The following OR4S2 variants were observed in gnomAD, a reference collection of about 807,000 sequenced individuals.
OR4S2 encodes olfactory receptor 4S2.
In OR4S2, 16 loss-of-function variants were observed where a neutral mutation model predicts 15.1. That is an observed-to-expected ratio of 1.06 (90% CI 0.72 to 1.61). The LOEUF (loss-of-function observed/expected upper bound fraction) is 1.61. Ranked by LOEUF, OR4S2 falls within the 40% of genes most tolerant of loss-of-function variation. The pLI, the probability that OR4S2 is intolerant of heterozygous loss-of-function variation, is 0.00. For missense variants in OR4S2, 362 were observed against 379.6 expected, an observed-to-expected ratio of 0.95 and a Z score of 0.38; for synonymous variants, 133 against 136.3, an observed-to-expected ratio of 0.98 and a Z score of 0.17.
Position 55,651,473 on chromosome 11 carries a change from A to G in OR4S2, c.570A>G (p.Thr190=), listed in dbSNP as rs146506401. 1 of 1,486,538 alleles carries G rather than the reference A, an allele frequency of 6.7e-7. No individual in the cohort carries two copies. Among genetic ancestry groups the G allele is most frequent in the Non-Finnish European group, 9.2e-7 (1 of 1,091,484 alleles). The allele number at this position is 1,486,538 out of a possible 1,614,324, so 92.1% of individuals were successfully genotyped here. A position where few individuals can be genotyped will look rare whatever the true frequency, so the allele number is the denominator to read the frequency against. Reference sequence around the variant, plus strand: ...TGTTGAAACTTGCCTGCACAGAAACATACATTGTTGGTGTTGTTGTGACAG... The same window carrying G: ...TGTTGAAACTTGCCTGCACAGAAACGTACATTGTTGGTGTTGTTGTGACAG... ...HPVLKLACTE[T]YIVGVVVTAN... The change falls in exon 2 of 2, where the codon ACA becomes ACG. Residue 190 remains threonine (T), a synonymous_variant. Coordinates refer to ENST00000641692, the MANE Select transcript of OR4S2 (RefSeq NM_001004059.3).
rs1858551108 is a variant in OR4S2, at chr11:55,650,660, C to A, written c.-36-208C>A. Among the ~76,000 whole-genome samples, 2 of 138,092 alleles carry A rather than the reference C, an allele frequency of 1.4e-5. 1 individual carries two copies. The highest frequency in any genetic ancestry group is 3.2e-5 in the Non-Finnish European group (2 of 62,072). The allele number at this position is 138,092 out of a possible 152,430, so 90.6% of individuals were successfully genotyped here. ...ATATATATGAGATTGAGGGGATTTACTTTATCTCTCTGGATTTTGCTTTCT... is the reference window on the plus strand; with the variant it reads ...ATATATATGAGATTGAGGGGATTTAATTTATCTCTCTGGATTTTGCTTTCT... On this transcript the variant is annotated intron_variant, in intron 1 of 1. Coordinates refer to ENST00000641692, the MANE Select transcript of OR4S2 (RefSeq NM_001004059.3).
chr11:55,650,070 T>C (rs1312070052), intron 1 of OR4S2, among the ~76,000 whole-genome samples: 1 of 139,174 alleles, frequency 7.2e-6, no homozygotes, highest in Non-Finnish European at 1.6e-5. Flanking sequence ...CTGACAGAAG[T>C]GATTTAAGTT....
chr11:55,652,011 T>C lies in OR4S2; in HGVS notation c.*172T>C. Reference sequence around the variant, plus strand: ...CATTATTATAGCATTTTTATACTATTTCATAATTAGATAACTTCCTGAAAT... The same window carrying C: ...CATTATTATAGCATTTTTATACTATCTCATAATTAGATAACTTCCTGAAAT... On this transcript the variant is annotated 3_prime_UTR_variant, in exon 2 of 2. Coordinates refer to ENST00000641692, the MANE Select transcript of OR4S2 (RefSeq NM_001004059.3). The C allele has an allele frequency of 2.8e-6, 1 of 360,288 alleles. No homozygotes were observed. The allele number at this position is 360,288 out of a possible 1,614,324, so 22.3% of individuals were successfully genotyped here.
rs1858552423 is a variant in OR4S2, at chr11:55,650,775, C to A, written c.-36-93C>A. ...TTCTTCAAGTATGCATGCCAATCAG[C>A]ATTTTTTCCTCTTTTGATCTACTGT... On this transcript the variant is annotated intron_variant, in intron 1 of 1. Coordinates refer to ENST00000641692, the MANE Select transcript of OR4S2 (RefSeq NM_001004059.3). 5.0e-5 allele frequency: 27 copies of A among 535,864 alleles called. 5 individuals carry two copies. Among genetic ancestry groups the A allele is most frequent in the Non-Finnish European group, 8.5e-5 (26 of 307,136 alleles). 33.2% of individuals were successfully genotyped at this position (535,864 alleles called of 1,614,324 possible).
chr11:55,650,506 GT>G (rs1858549238), intron 1 of OR4S2, among the ~76,000 whole-genome samples: 1 of 138,826 alleles, frequency 7.2e-6, no homozygotes, highest in Admixed American at 7.8e-5. Flanking sequence ...TAACATAGAT[GT>G]TACCATATCC....
rs753301201 is a variant in OR4S2, at chr11:55,651,639, G to A, written c.736G>A (p.Val246Ile). ...CTGTGGCTCCCACATTGCCATGGTC[G>A]TTATCTTTTTCGGCCCCTGTACTTT... ...STCGSHIAMV[V>I]IFFGPCTFMY... Residue 246 changes from valine to isoleucine, a missense_variant, in exon 2 of 2, where the codon GTT (valine) becomes ATT (isoleucine). Val to Ile is a conservative substitution (Grantham distance 29). Transcript: ENST00000641692. 39 of 1,491,830 alleles carry A rather than the reference G, an allele frequency of 2.6e-5. 9 individuals are homozygous for A. The Admixed American group carries it at 3.2e-4, about 12-fold the overall frequency. The allele number at this position is 1,491,830 out of a possible 1,614,324, so 92.4% of individuals were successfully genotyped here. A position where few individuals can be genotyped will look rare whatever the true frequency, so the allele number is the denominator to read the frequency against.
rs150655948 is a variant in OR4S2 at position 55,651,169 on chromosome 11, C to A, written c.266C>A (p.Thr89Asn). ...GTTGACCTGTTAGCAAAGGACAAAA[C>A]CATCTCCTATGTGGGGTGCATGTTG... ...MIVDLLAKDKTISYVGCMLQL... is the reference protein window; with the variant it reads ...MIVDLLAKDKNISYVGCMLQL... Residue 89 changes from threonine to asparagine, a missense_variant, in exon 2 of 2, where the codon ACC becomes AAC. Thr to Asn is a moderately conservative substitution (Grantham distance 65). Transcript: ENST00000641692. The A allele has an allele frequency of 8.8e-6, 13 of 1,484,636 alleles. 2 individuals carry two copies. The highest frequency in any genetic ancestry group is 8.3e-6 in the Non-Finnish European group (9 of 1,089,908). The allele number at this position is 1,484,636 out of a possible 1,614,324, so 92.0% of individuals were successfully genotyped here.
In OR4S2 at chr11:55,650,879, G is replaced by A. The variant is rs1858554716; in HGVS notation, c.-25G>A. 2 of 1,019,970 alleles carry A rather than the reference G, an allele frequency of 2.0e-6. No homozygotes were observed. The highest frequency in any genetic ancestry group is 3.1e-5 in the African/African-American group (2 of 63,626). 63.2% of individuals were successfully genotyped at this position (1,019,970 alleles called of 1,614,324 possible). A position where few individuals can be genotyped will look rare whatever the true frequency, so the allele number is the denominator to read the frequency against. On this transcript the variant is annotated 5_prime_UTR_variant, in exon 2 of 2. Coordinates refer to ENST00000641692, the MANE Select transcript of OR4S2 (RefSeq NM_001004059.3). ...TTTCTTTTTTTCAGGTAATTTAATT[G>A]TCTCCTAAGAACTTGACCCATTCCA...
Position 55,651,891 on chromosome 11 carries a change from A to G in OR4S2, c.*52A>G. On this transcript the variant is annotated 3_prime_UTR_variant, in exon 2 of 2. Transcript: ENST00000641692. ...ACCTTAAAATTTCTCAGCCTTGGTT[A>G]ACTCATCTGTGCAATCAAGACAATA... 1 of 896,274 alleles carries G rather than the reference A, an allele frequency of 1.1e-6. No individual in the cohort carries two copies. The highest frequency in any genetic ancestry group is 1.7e-6 in the Non-Finnish European group (1 of 588,972). 55.5% of individuals were successfully genotyped at this position (896,274 alleles called of 1,614,324 possible).
intron 1 of OR4S2, among the ~76,000 whole-genome samples, chr11:55,650,214 T>G (rs56004819): frequency 0.022 from 3,026 of 138,860 alleles, 379 homozygotes; most frequent in African/African-American, 0.072. Flanking sequence ...TTAGAATCAA[T>G]TTTGTGTAAT....
intron 1 of OR4S2, among the ~76,000 whole-genome samples, chr11:55,649,125 G>T (rs532396824): frequency 1.4e-5 from 2 of 138,072 alleles, no homozygotes; most frequent in South Asian, 4.7e-4. Context: ...ATAAATAATT[G>T]TTGCTCAAAA....
intron 1 of OR4S2, among the ~76,000 whole-genome samples, chr11:55,649,022 T>A (rs1409244243): frequency 7.4e-6 from 1 of 135,986 alleles, no homozygotes; most frequent in African/African-American, 2.5e-5. Flanking sequence ...AAAAAAAAAA[T>A]TCCTCTAGAA....
chr11:55,651,122 A>G lies in OR4S2; in HGVS notation c.219A>G (p.Ser73=), dbSNP rs1212553986. ...FLSFVDICYS[S]VTAPKMIVDL... ...CTTTTGTGGACATTTGTTACTCTTC[A>G]GTCACAGCTCCCAAGATGATTGTTG... Residue 73 remains serine (S), a synonymous_variant, in exon 2 of 2, where the codon TCA becomes TCG. Coordinates refer to ENST00000641692, the MANE Select transcript of OR4S2 (RefSeq NM_001004059.3). 1 of 1,472,762 alleles carries G rather than the reference A, an allele frequency of 6.8e-7. No homozygotes were observed. Among genetic ancestry groups the G allele is most frequent in the South Asian group, 1.2e-5 (1 of 84,506 alleles). 91.2% of individuals were successfully genotyped at this position (1,472,762 alleles called of 1,614,324 possible).
chr11:55,652,019 T>C lies in OR4S2; in HGVS notation c.*180T>C, dbSNP rs1858576401. On this transcript the variant is annotated 3_prime_UTR_variant, in exon 2 of 2. Coordinates refer to ENST00000641692, the MANE Select transcript of OR4S2 (RefSeq NM_001004059.3). The stretch of plus-strand genomic sequence containing the variant: ...TAGCATTTTTATACTATTTCATAAT[T>C]AGATAACTTCCTGAAATATCTATGA... 2 of 347,928 alleles carry C rather than the reference T, an allele frequency of 5.7e-6. No homozygotes were observed. The highest frequency in any genetic ancestry group is 2.1e-5 in the African/African-American group (1 of 47,780). 21.6% of individuals were successfully genotyped at this position (347,928 alleles called of 1,614,324 possible).
intron 1 of OR4S2, among the ~76,000 whole-genome samples, chr11:55,649,308 C>A (rs1261110791): frequency 7.2e-6 from 1 of 138,392 alleles, no homozygotes; most frequent in Non-Finnish European, 1.6e-5. Context: ...TTTTGTAATG[C>A]ACAAGAGATA....
chr11:55,651,563 A>G lies in OR4S2; in HGVS notation c.660A>G (p.Leu220=). ...VILLISYSII[L]VSLRKQSAEG... ...TGCTAATCTCCTACAGCATCATCCT[A>G]GTTTCCCTGAGAAAGCAGTCAGCAG... Residue 220 remains leucine, a synonymous_variant, in exon 2 of 2, where the codon CTA becomes CTG. Coordinates refer to ENST00000641692, the MANE Select transcript of OR4S2 (RefSeq NM_001004059.3). 1 of 1,492,338 alleles carries G rather than the reference A, an allele frequency of 6.7e-7. No individual in the cohort carries two copies. The highest frequency in any genetic ancestry group is 1.2e-5 in the South Asian group (1 of 84,890). The allele number at this position is 1,492,338 out of a possible 1,614,324, so 92.4% of individuals were successfully genotyped here.
In OR4S2 at chr11:55,651,383, G is replaced by C. The variant is rs1433401824; in HGVS notation, c.480G>C (p.Leu160=). 1.3e-6 allele frequency: 2 copies of C among 1,483,990 alleles called. 1 individual carries two copies. Among genetic ancestry groups the C allele is most frequent in the Non-Finnish European group, 1.8e-6 (2 of 1,089,436 alleles). The allele number at this position is 1,483,990 out of a possible 1,614,324, so 91.9% of individuals were successfully genotyped here. Residue 160 remains leucine (L), a synonymous_variant, in exon 2 of 2, where the codon CTG becomes CTC. Coordinates refer to ENST00000641692, the MANE Select transcript of OR4S2 (RefSeq NM_001004059.3). ...GFLHSIIQVA[L]VVQLPFCGPN... is the part of the protein sequence containing the mutation. The stretch of plus-strand genomic sequence containing the variant: ...TACACTCCATTATCCAAGTGGCTCT[G>C]GTAGTCCAACTACCCTTTTGTGGAC...
chr11:55,651,041 A>G lies in OR4S2; in HGVS notation c.138A>G (p.Thr46=), dbSNP rs142335370. ...TGGGAAATCTCCTCATCATGCTGAC[A>G]GTTTGCCTGAGCAACCTGTTTAAGT... ...ILLGNLLIML[T]VCLSNLFKSP... The change falls in exon 2 of 2, where the codon ACA becomes ACG. Residue 46 remains threonine (T), a synonymous_variant. Transcript: ENST00000641692. The G allele has an allele frequency of 2.7e-6, 4 of 1,475,186 alleles. No individual in the cohort carries two copies. In the African/African-American group the frequency reaches 4.1e-5, roughly 15 times the overall value. The allele number at this position is 1,475,186 out of a possible 1,614,324, so 91.4% of individuals were successfully genotyped here. A position where few individuals can be genotyped will look rare whatever the true frequency, so the allele number is the denominator to read the frequency against.
Position 55,651,630 on chromosome 11 carries a change from G to A in OR4S2, c.727G>A (p.Ala243Thr), listed in dbSNP as rs1858570112. The part of the protein sequence containing the change: ...KALSTCGSHI[A>T]MVVIFFGPCT... ...CCTCTCCACCTGTGGCTCCCACATT[G>A]CCATGGTCGTTATCTTTTTCGGCCC... Residue 243 changes from alanine (A) to threonine (T), a missense_variant, in exon 2 of 2, where the codon GCC (alanine) becomes ACC (threonine). Transcript: ENST00000641692. 22 of 1,491,466 alleles carry A rather than the reference G, an allele frequency of 1.5e-5. 2 individuals carry two copies. The highest frequency in any genetic ancestry group is 2.0e-5 in the Non-Finnish European group (22 of 1,096,428). 92.4% of individuals were successfully genotyped at this position (1,491,466 alleles called of 1,614,324 possible). A position where few individuals can be genotyped will look rare whatever the true frequency, so the allele number is the denominator to read the frequency against.
Sources: allele counts gnomAD v4.1 joint callset (sites outside exome capture counted in the v4.1 genomes callset), GRCh38; gene constraint gnomAD v4.1.1; transcripts MANE v1.5; gene names NCBI Gene and HGNC (gene_info 2026-07-23, HGNC 2026-07-21).